CXADR: variants seen among roughly 807,000 people sequenced by gnomAD.
The protein encoded by CXADR is CXADR cell adhesion molecule.
A neutral mutation model predicts 40.3 loss-of-function variants in CXADR; 20 were observed. The observed-to-expected ratio is 0.50, with a 90% CI of 0.35 to 0.72. The LOEUF is 0.72. CXADR is among the 30% of genes least tolerant of loss of function. The pLI is 0.01. For missense variants in CXADR, 332 were observed against 449.1 expected, an observed-to-expected ratio of 0.74 and a Z score of 2.36; for synonymous variants, 150 against 161.3, an observed-to-expected ratio of 0.93 and a Z score of 0.53.
At chr21:17,561,256 A>G in intron 5 of CXADR, 82 bp from the exon 6 acceptor site, 1 of 819,526 alleles carries the variant, frequency 1.2e-6, no homozygotes, top group East Asian at 3.0e-5. Flanking sequence ...GATGAAATCA[A>G]TCTAAAAATG....
At chr21:17,599,129 AC>A in the CXADR span, 1 of 274,380 alleles carries the variant, frequency 3.6e-6, no homozygotes, top group South Asian at 7.5e-5. Context: ...TGTTTTGATT[AC>A]ATTTTTGTAT....
chr21:17,593,507 A>T (rs1459271076), exon 8 of CXADR: 1 of 199,744 alleles, frequency 5.0e-6, no homozygotes, highest in Non-Finnish European at 1.0e-5. Flanking sequence ...GTGGTCTTTT[A>T]GGAAAAGTAT....
intron 6 of CXADR, among the ~76,000 whole-genome samples, chr21:17,564,218 C>A (rs554709456): frequency 2.7e-5 from 4 of 150,574 alleles, no homozygotes; most frequent in Admixed American, 2.6e-4. Context: ...GGCGGCCAGG[C>A]GCAGTGACTC....
intron 1 of CXADR, among the ~76,000 whole-genome samples, chr21:17,532,833 T>A (rs1022833088): frequency 6.6e-6 from 1 of 152,216 alleles, no homozygotes; most frequent in Non-Finnish European, 1.5e-5. Context: ...GTAGGCATTA[T>A]TATTTTTAAT....
At chr21:17,625,739 C>T in the CXADR span, among the ~76,000 whole-genome samples, 1 of 152,318 alleles carries the variant, frequency 6.6e-6, no homozygotes, top group African/African-American at 2.4e-5. Context: ...TTCTCTTATA[C>T]ATTTCCTCGT....
the CXADR span, chr21:17,612,530 G>A: frequency 1.3e-5 from 2 of 152,128 alleles, no homozygotes; most frequent in Admixed American, 6.5e-5. Context: ...GCCCCGCTCT[G>A]GCGCCGAGCC....
At position 17,586,489 on chromosome 21, in the gene CXADR, T is replaced by TG. The variant is rs550646660; in HGVS notation, c.1018-6659dup. On this transcript the variant is annotated intron_variant, in intron 7 of 7. Transcript: ENST00000400169. ...TATTTATTTTTATTCTTGGTAAAGA[T>TG]GGGGTCTCACTTTGTTGCCTAAGTT... Among the ~76,000 whole-genome samples the TG allele has an allele frequency of 1.3e-3, 198 of 150,324 alleles. 1 individual carries two copies. Among genetic ancestry groups the TG allele is most frequent in the African/African-American group, 4.6e-3 (191 of 41,240 alleles).
intron 2 of CXADR, among the ~76,000 whole-genome samples, chr21:17,548,729 C>G (rs912421479): frequency 6.6e-6 from 1 of 152,194 alleles, no homozygotes; most frequent in Admixed American, 6.5e-5. Flanking sequence ...GTGCCCTGAG[C>G]CATTAGCGTG....
chr21:17,622,477 A>G, the CXADR span, among the ~76,000 whole-genome samples: 1 of 152,172 alleles, frequency 6.6e-6, no homozygotes, highest in Non-Finnish European at 1.5e-5. Context: ...ACATGTCTAT[A>G]CCTATATATA....
At chr21:17,559,261 C>G (rs1246661165) in intron 4 of CXADR, 130 bp downstream of exon 4, 1 of 914,576 alleles carries the variant, frequency 1.1e-6, no homozygotes, top group East Asian at 2.6e-5. Flanking sequence ...CTCACTGAAG[C>G]TTCAACCTCC....
intron 7 of CXADR, among the ~76,000 whole-genome samples, chr21:17,585,663 G>GC (rs1335346302): frequency 1.3e-5 from 2 of 151,998 alleles, no homozygotes; most frequent in Non-Finnish European, 2.9e-5. Context: ...GATTACAGGC[G>GC]CGTGCCACTA....
At chr21:17,597,351 T>A (rs1331807319), downstream of CXADR, among the ~76,000 whole-genome samples, 2 of 152,022 alleles carry the variant, frequency 1.3e-5, no homozygotes, top group Admixed American at 6.6e-5. Context: ...GAAAATTCAA[T>A]ATACCTAATT....
At chr21:17,524,744 A>G (rs1413528036) in intron 1 of CXADR, among the ~76,000 whole-genome samples, 1 of 151,918 alleles carries the variant, frequency 6.6e-6, no homozygotes, top group Non-Finnish European at 1.5e-5. Flanking sequence ...AAAATTAGCC[A>G]CGTGTGATAC....
chr21:17,569,641 C>T lies in CXADR; in HGVS notation c.*3949C>T. ...TTATTTATCTTTAGGGAAGGCTGAT[C>T]ATTTATCTTATAGCAGATAACCCCA... On this transcript the variant is annotated 3_prime_UTR_variant, in exon 7 of 7. Transcript: ENST00000284878. 1 of 981,486 alleles carries T rather than the reference C, an allele frequency of 1.0e-6. No individual in the cohort carries two copies. Among genetic ancestry groups the T allele is most frequent in the Non-Finnish European group, 1.2e-6 (1 of 826,438 alleles). The allele number at this position is 981,486 out of a possible 1,614,324, so 60.8% of individuals were successfully genotyped here. A position where few individuals can be genotyped will look rare whatever the true frequency, so the allele number is the denominator to read the frequency against.
the CXADR span, among the ~76,000 whole-genome samples, chr21:17,606,998 T>C: frequency 6.6e-6 from 1 of 152,144 alleles, no homozygotes; most frequent in Non-Finnish European, 1.5e-5. Flanking sequence ...CTTACAAACA[T>C]TTTGTAAGAG....
chr21:17,634,428 G>A, the CXADR span, among the ~76,000 whole-genome samples: 18 of 152,256 alleles, frequency 1.2e-4, no homozygotes, highest in East Asian at 3.1e-3. Flanking sequence ...GGCTCTTTTC[G>A]GAGTAAAATT....
At chr21:17,561,689 G>A (rs1010913610) in intron 6 of CXADR, among the ~76,000 whole-genome samples, 10 of 151,952 alleles carry the variant, frequency 6.6e-5, no homozygotes, top group African/African-American at 1.9e-4. Context: ...CAACCTTCTC[G>A]TACCCCATTT....
chr21:17,571,548 C>T (rs967848805), downstream of CXADR, among the ~76,000 whole-genome samples: 5 of 152,036 alleles, frequency 3.3e-5, no homozygotes, highest in South Asian at 2.1e-4. Flanking sequence ...ACTTATTATT[C>T]AGTAAAAATA....
intron 3 of CXADR, 102 bp from the exon 4 acceptor site, chr21:17,558,874 C>T: frequency 1.6e-6 from 2 of 1,237,260 alleles, no homozygotes; most frequent in Non-Finnish European, 2.2e-6. Flanking sequence ...AATTCTGAAC[C>T]CAGAACCAAC....
Sources: gnomAD v4.1 joint callset for allele counts (sites outside exome capture counted in the v4.1 genomes callset) on GRCh38, gnomAD v4.1.1 for gene constraint, MANE v1.5 for transcripts, NCBI Gene and HGNC (gene_info 2026-07-23, HGNC 2026-07-21) for gene names.